Variants in ANKIB1 observed in about 807,000 individuals in gnomAD.
The protein encoded by ANKIB1 is ankyrin repeat and IBR domain-containing protein 1.
Under a neutral mutation model 122.1 loss-of-function variants are expected in ANKIB1, and 43 were observed. The observed-to-expected ratio is 0.35, with a 90% confidence interval of 0.28 to 0.45. ANKIB1 has a LOEUF of 0.45. Ranked by LOEUF, ANKIB1 falls within the 20% of genes least tolerant of loss-of-function variation. The probability of loss-of-function intolerance (pLI) is 1.00; values close to 1 mark genes in which losing one functional copy is unlikely to be tolerated. For missense variants in ANKIB1, 992 were observed against 1,329.5 expected (o/e 0.75, Z 3.95); for synonymous variants, 390 against 442.0 (o/e 0.88, Z 1.48).
At chr7:92,257,140 A>C (rs1801463956) in intron 1 of ANKIB1, among the ~76,000 whole-genome samples, 1 of 151,896 alleles carries the variant, frequency 6.6e-6, no homozygotes, top group Non-Finnish European at 1.5e-5. Flanking sequence ...CAGTGAGCCG[A>C]GTAGATCGCC....
chr7:92,348,385 CTT>C (rs563453600), intron 7 of ANKIB1, among the ~76,000 whole-genome samples: 51 of 134,346 alleles, frequency 3.8e-4, no homozygotes, highest in East Asian at 4.4e-4. Flanking sequence ...GTCTTTAAGA[CTT>C]TTTTTTTTTT....
chr7:92,381,557 A>G (rs1282691710), intron 11 of ANKIB1, among the ~76,000 whole-genome samples: 1 of 152,242 alleles, frequency 6.6e-6, no homozygotes, highest in South Asian at 2.1e-4. Flanking sequence ...CAGAAACCCT[A>G]CAAGCCAGAA....
chr7:92,319,074 A>G (rs1041145435), intron 3 of ANKIB1, among the ~76,000 whole-genome samples: 3 of 152,132 alleles, frequency 2.0e-5, no homozygotes, highest in Non-Finnish European at 4.4e-5. Flanking sequence ...AAGTTTAAAA[A>G]ATTGGTTTTG....
At chr7:92,357,533 G>T (rs780306502) in intron 9 of ANKIB1, among the ~76,000 whole-genome samples, 13 of 151,900 alleles carry the variant, frequency 8.6e-5, no homozygotes, top group Non-Finnish European at 1.5e-5. Flanking sequence ...CCAGGAATTC[G>T]AAACCAGCCT....
chr7:92,288,748 T>G (rs1802188975), intron 1 of ANKIB1, among the ~76,000 whole-genome samples: 1 of 151,912 alleles, frequency 6.6e-6, no homozygotes, highest in Non-Finnish European at 1.5e-5. Context: ...GCATGGCAAA[T>G]AAGCATGAAA....
chr7:92,277,504 T>C (rs1243315370), intron 1 of ANKIB1, among the ~76,000 whole-genome samples: 1 of 152,226 alleles, frequency 6.6e-6, no homozygotes, highest in African/African-American at 2.4e-5. Flanking sequence ...TTGGGTCTCC[T>C]GCCCAAGGGT....
At chr7:92,272,317 T>C (rs1345812073) in intron 1 of ANKIB1, among the ~76,000 whole-genome samples, 2 of 151,964 alleles carry the variant, frequency 1.3e-5, no homozygotes, top group Non-Finnish European at 2.9e-5. Context: ...GACATTTAAA[T>C]GTATTGGGAA....
intron 1 of ANKIB1, among the ~76,000 whole-genome samples, chr7:92,258,640 G>A (rs973477092): frequency 6.6e-6 from 1 of 152,064 alleles, no homozygotes; most frequent in African/African-American, 2.4e-5. Flanking sequence ...AAACTCTGAT[G>A]GAGAAACTTA....
intron 9 of ANKIB1, among the ~76,000 whole-genome samples, chr7:92,356,073 T>C (rs186434243): frequency 6.6e-6 from 1 of 152,248 alleles, no homozygotes; most frequent in African/African-American, 2.4e-5. Flanking sequence ...ATGTACAGAC[T>C]TTTCAAGTTT....
At chr7:92,361,653 G>A (rs553347656) in intron 9 of ANKIB1, among the ~76,000 whole-genome samples, 1 of 151,484 alleles carries the variant, frequency 6.6e-6, no homozygotes, top group Admixed American at 6.7e-5. Flanking sequence ...TTTCAAGTAT[G>A]TAAATGAATG....
chr7:92,375,274 GACA>G (rs1804355236), intron 11 of ANKIB1, among the ~76,000 whole-genome samples: 1 of 152,180 alleles, frequency 6.6e-6, no homozygotes, highest in Non-Finnish European at 1.5e-5. Context: ...CTTAAAATAA[GACA>G]ACAATGAAAT....
rs564966203 is a variant in ANKIB1 at position 92,379,175 on chromosome 7, G to C, written c.1618-7334G>C. Among the ~76,000 whole-genome samples the C allele has an allele frequency of 3.3e-5, 5 of 152,338 alleles. No homozygotes were observed. The South Asian group carries it at 1.0e-3, about 32-fold the overall frequency. ...GGAGGCCGAGACAGGCAGATCACAA[G>C]GTCAGGAGATCGAGACCATCCTGGC... is the stretch of plus-strand genomic sequence containing the variant. On this transcript the variant is annotated intron_variant, in intron 11 of 19. Transcript: ENST00000265742.
chr7:92,303,354 T>A (rs1475125772), intron 2 of ANKIB1, among the ~76,000 whole-genome samples: 1 of 152,186 alleles, frequency 6.6e-6, no homozygotes, highest in African/African-American at 2.4e-5. Context: ...CATTTCAGAT[T>A]TTGGAGCATT....
intron 1 of ANKIB1, among the ~76,000 whole-genome samples, chr7:92,264,631 C>T (rs1226438473): frequency 2.0e-5 from 3 of 151,740 alleles, no homozygotes; most frequent in Non-Finnish European, 2.9e-5. Flanking sequence ...AGGCTGGTCT[C>T]GAACTCCTGG....
At chr7:92,251,843 T>C (rs191109181) in intron 1 of ANKIB1, among the ~76,000 whole-genome samples, 78 of 152,328 alleles carry the variant, frequency 5.1e-4, no homozygotes, top group African/African-American at 1.8e-3. Flanking sequence ...TATACAAATT[T>C]CGTGTACTAT....
At chr7:92,292,411 C>T (rs1263104704) in intron 1 of ANKIB1, among the ~76,000 whole-genome samples, 1 of 152,126 alleles carries the variant, frequency 6.6e-6, no homozygotes, top group African/African-American at 2.4e-5. Flanking sequence ...ATGAGTACTC[C>T]ATGATAACAT....
At chr7:92,365,788 CTTTTTTT>C (rs59131137) in intron 10 of ANKIB1, among the ~76,000 whole-genome samples, 3 of 58,298 alleles carry the variant, frequency 5.1e-5, no homozygotes, top group Non-Finnish European at 9.0e-5. Context: ...ATTAAATAAT[CTTTTTTT>C]TTTTTTTTTT....
In ANKIB1 at chr7:92,369,112, A is replaced by G. The variant is rs536247696; in HGVS notation, c.1487-2365A>G. 8.5e-5 allele frequency among the ~76,000 whole-genome samples: 13 copies of G among 152,354 alleles called. No individual in the cohort carries two copies. In the South Asian group the frequency reaches 1.7e-3, roughly 19 times the overall value. ...AAATGTGAAGTGTACTTAAATGATT[A>G]GGTATTATAGCAATACCCTTTGTAA... On this transcript the variant is annotated intron_variant, in intron 10 of 19. Transcript: ENST00000265742.
intron 4 of ANKIB1, among the ~76,000 whole-genome samples, chr7:92,324,441 C>T (rs1374030631): frequency 6.6e-6 from 1 of 152,156 alleles, no homozygotes; most frequent in East Asian, 1.9e-4. Context: ...ACCGTGTTGA[C>T]CATGCTGGTC....
Sources: gnomAD v4.1 joint callset for allele counts (sites outside exome capture counted in the v4.1 genomes callset) on GRCh38, gnomAD v4.1.1 for gene constraint, MANE v1.5 for transcripts, NCBI Gene and HGNC (gene_info 2026-07-23, HGNC 2026-07-21) for gene names.